TMEM67: variants seen among roughly 807,000 people sequenced by gnomAD.
TMEM67 encodes the protein transmembrane protein 67, also known as meckelin.
In TMEM67, 124 loss-of-function variants were observed where a neutral mutation model predicts 136.6. That is an observed-to-expected ratio of 0.91 (90% CI 0.78 to 1.05). The LOEUF (loss-of-function observed/expected upper bound fraction) is 1.05. Ranked by LOEUF, TMEM67 falls within the 50% of genes least tolerant of loss-of-function variation. The pLI is 0.00. For missense variants in TMEM67, 1,107 were observed against 1,178.4 expected (o/e 0.94, Z 0.89); for synonymous variants, 364 against 390.5 (o/e 0.93, Z 0.80).
At chr8:93,771,095 G>T (rs1229438004) in intron 6 of TMEM67, among the ~76,000 whole-genome samples, 1 of 151,736 alleles carries the variant, frequency 6.6e-6, no homozygotes, top group East Asian at 1.9e-4. Context: ...TGATTAATAC[G>T]TTAGTCTGAG....
intron 23 of TMEM67, among the ~76,000 whole-genome samples, chr8:93,806,255 T>C (rs1049836431): frequency 1.3e-5 from 2 of 152,174 alleles, no homozygotes; most frequent in Non-Finnish European, 2.9e-5. Flanking sequence ...TTTATTTGGA[T>C]CCTGATTCAG....
downstream of TMEM67, among the ~76,000 whole-genome samples, chr8:93,820,939 T>C (rs1192206980): frequency 6.6e-6 from 1 of 152,208 alleles, no homozygotes; most frequent in Non-Finnish European, 1.5e-5. Context: ...ATAATAATCA[T>C]TGCTTCCATT....
At chr8:93,795,074 C>A in intron 16 of TMEM67, 1 of 333,276 alleles carries the variant, frequency 3.0e-6, no homozygotes, top group Non-Finnish European at 5.6e-6. Flanking sequence ...CAATTTACAT[C>A]TTAGAAAACT....
intron 6 of TMEM67, among the ~76,000 whole-genome samples, chr8:93,771,017 A>C (rs1410994751): frequency 6.6e-6 from 1 of 152,010 alleles, no homozygotes; most frequent in Non-Finnish European, 1.5e-5. Flanking sequence ...CCGTCTCAAA[A>C]AAAAAAAAAA....
At chr8:93,781,344 A>G (rs1813817660) in intron 9 of TMEM67, among the ~76,000 whole-genome samples, 3 of 152,174 alleles carry the variant, frequency 2.0e-5, no homozygotes, top group Admixed American at 2.0e-4. Context: ...CCAAATTCCT[A>G]CCTGTAACTT....
intron 7 of TMEM67, 32 bp from the exon 8 acceptor site, chr8:93,780,561 T>C: frequency 1.9e-6 from 3 of 1,613,834 alleles, no homozygotes; most frequent in South Asian, 1.1e-5. Flanking sequence ...TTCAGGTTCA[T>C]GTTACTTTTC....
intron 12 of TMEM67, 99 bp downstream of exon 12, chr8:93,785,477 C>T (rs769542597): frequency 9.8e-6 from 12 of 1,230,686 alleles, no homozygotes; most frequent in Non-Finnish European, 1.4e-5. Flanking sequence ...TAAGAAAGGT[C>T]ATGAATTCTC....
At chr8:93,820,686 A>G (rs1809028849), downstream of TMEM67, among the ~76,000 whole-genome samples, 1 of 152,240 alleles carries the variant, frequency 6.6e-6, no homozygotes. Context: ...GTTATTGTGT[A>G]CAGTGCTTAG....
At position 93,786,194 on chromosome 8, in the gene TMEM67, A is replaced by G. The variant is rs1378608730; in HGVS notation, c.1289-29A>G. 8 of 1,609,378 alleles carry G rather than the reference A, an allele frequency of 5.0e-6. No homozygotes were observed. In the South Asian group the frequency reaches 5.5e-5, roughly 11 times the overall value. ...ATAATTTCATGTTTTAAATTTGTGC[A>G]GTAAACTTTTTTCTTTTTATAATAA... On this transcript the variant is annotated intron_variant, in intron 12 of 27. Coordinates refer to ENST00000453321, the MANE Select transcript of TMEM67 (RefSeq NM_153704.6).
At chr8:93,825,885 T>C in the TMEM67 span, among the ~76,000 whole-genome samples, 1 of 152,132 alleles carries the variant, frequency 6.6e-6, no homozygotes, top group Non-Finnish European at 1.5e-5. Context: ...ACCATTTGGG[T>C]GTACACATAC....
Position 93,763,933 on chromosome 8 carries a change from A to C in TMEM67, c.498A>C (p.Leu166Phe). ...NENSFMVVNALGDRCVRCEPT... is the reference protein window; with the variant it reads ...NENSFMVVNAFGDRCVRCEPT... ...ACTCTTTTATGGTAGTAAATGCTTTAGGAGACAGGTAAGCAGTGTGATGGG... is the reference window on the plus strand; with the variant it reads ...ACTCTTTTATGGTAGTAAATGCTTTCGGAGACAGGTAAGCAGTGTGATGGG... Residue 166 changes from leucine (L) to phenylalanine (F), a missense_variant, in exon 4 of 28, where the codon TTA (leucine) becomes TTC (phenylalanine). Physicochemically the swap from Leu to Phe is conservative, Grantham distance 22. This residue lies in a region of TMEM67 where 925 missense variants were observed against 1,002.4 expected (regional missense o/e 0.92). Transcript: ENST00000453321. The C allele has an allele frequency of 1.9e-6, 3 of 1,609,538 alleles. No individual in the cohort carries two copies. The highest frequency in any genetic ancestry group is 2.6e-6 in the Non-Finnish European group (3 of 1,175,894).
chr8:93,805,447 G>T (rs565585790), intron 23 of TMEM67, among the ~76,000 whole-genome samples: 100 of 152,188 alleles, frequency 6.6e-4, no homozygotes, highest in African/African-American at 2.3e-3. Flanking sequence ...AGCCGGGCAT[G>T]GTCGCGGGCG....
downstream of TMEM67, chr8:93,818,846 A>C (rs1808992568): frequency 3.3e-6 from 1 of 303,876 alleles, no homozygotes; most frequent in Non-Finnish European, 6.3e-6. Flanking sequence ...CTTATCACCC[A>C]GGTTGGAATG....
chr8:93,797,578 T>C (rs1586071342), intron 20 of TMEM67, 108 bp downstream of exon 20: 2 of 1,082,142 alleles, frequency 1.8e-6, no homozygotes, highest in Non-Finnish European at 2.7e-6. Context: ...TCTCTAAAGG[T>C]TGAAATATTG....
chr8:93,786,272 T>G lies in TMEM67; in HGVS notation c.1338T>G (p.Asp446Glu), dbSNP rs764380675. Residue 446 changes from aspartate (D) to glutamate (E), a missense_variant, in exon 13 of 28, where the codon GAT becomes GAG. Asp to Glu is a conservative substitution (Grantham distance 45, BLOSUM62 2). Transcript: ENST00000453321. ...TAACTCGGCGCATTTTCTTAGTGGA[T>G]GCAGTAAGTGGACGAGAAAATGACT... ...WLLTRRIFLV[D>E]AVSGRENDLG... 1.5e-5 allele frequency: 25 copies of G among 1,613,950 alleles called. No individual in the cohort carries two copies. The highest frequency in any genetic ancestry group is 2.7e-5 in the African/African-American group (2 of 74,916).
intron 6 of TMEM67, 60 bp from the exon 7 acceptor site, chr8:93,772,529 A>G: frequency 8.3e-7 from 1 of 1,201,774 alleles, no homozygotes; most frequent in Non-Finnish European, 1.2e-6. Context: ...TTTCCCATTC[A>G]ACAATATGCA....
At chr8:93,800,933 T>C (rs1814844377) in intron 21 of TMEM67, among the ~76,000 whole-genome samples, 1 of 151,928 alleles carries the variant, frequency 6.6e-6, no homozygotes, top group Admixed American at 6.6e-5. Context: ...TTGAAATATT[T>C]ATTAAAATGA....
At chr8:93,827,210 C>T in the TMEM67 span, among the ~76,000 whole-genome samples, 5 of 152,154 alleles carry the variant, frequency 3.3e-5, no homozygotes, top group African/African-American at 9.7e-5. Flanking sequence ...TCAGTTTAAA[C>T]TGAGACAACA....
chr8:93,781,303 G>A (rs1563458996), intron 9 of TMEM67, among the ~76,000 whole-genome samples: 1 of 152,086 alleles, frequency 6.6e-6, no homozygotes, highest in Admixed American at 6.5e-5. Flanking sequence ...ATTGATTGGG[G>A]CTCTGTGACA....
Sources: gnomAD v4.1 joint callset for allele counts (sites outside exome capture counted in the v4.1 genomes callset) on GRCh38, gnomAD v4.1.1 for gene constraint, gnomAD v4.1.1 regional missense constraint, MANE v1.5 for transcripts, NCBI Gene and HGNC (gene_info 2026-07-23, HGNC 2026-07-21) for gene names.